RBFOX1: variants seen among roughly 807,000 people sequenced by gnomAD.
RBFOX1 encodes the protein RNA binding fox-1 homolog 1.
A neutral mutation model predicts 57.7 loss-of-function variants in RBFOX1; 8 were observed. The observed-to-expected ratio is 0.14, with a 90% CI of 0.08 to 0.25. The LOEUF (loss-of-function observed/expected upper bound fraction) is 0.25, where lower values mean the gene tolerates loss of function less well. Among genes scored for constraint, RBFOX1 ranks in the 10% least tolerant of loss-of-function variants. RBFOX1 has a pLI of 1.00. For missense variants in RBFOX1, 611 were observed against 548.5 expected (o/e 1.11, Z -1.14); for synonymous variants, 326 against 222.4 (o/e 1.47, Z -4.15).
chr16:6,897,289 G>C (rs1417681673), intron 3 of RBFOX1, among the ~76,000 whole-genome samples: 1 of 152,196 alleles, frequency 6.6e-6, no homozygotes, highest in Non-Finnish European at 1.5e-5. Context: ...TGTAAGCCCA[G>C]CTACTCAGGA....
chr16:7,563,367 CAGAT>C (rs1352250317), intron 5 of RBFOX1, among the ~76,000 whole-genome samples: 4 of 152,134 alleles, frequency 2.6e-5, no homozygotes, highest in South Asian at 2.1e-4. Flanking sequence ...GCAGTTCACA[CAGAT>C]AGGAAGCAGT....
chr16:6,822,704 C>G (rs1437747653), intron 3 of RBFOX1, among the ~76,000 whole-genome samples: 1 of 152,156 alleles, frequency 6.6e-6, no homozygotes, highest in Non-Finnish European at 1.5e-5. Flanking sequence ...GATCCAAGCT[C>G]TGCTTTCTTC....
intron 3 of RBFOX1, among the ~76,000 whole-genome samples, chr16:5,644,025 A>G (rs1433642097): frequency 6.6e-6 from 1 of 152,192 alleles, no homozygotes; most frequent in Non-Finnish European, 1.5e-5. Context: ...CAAAACGTGC[A>G]GACTGCGTCG....
intron 1 of RBFOX1, among the ~76,000 whole-genome samples, chr16:6,313,591 G>T (rs1031356458): frequency 2.6e-5 from 4 of 152,158 alleles, no homozygotes; most frequent in African/African-American, 9.7e-5. Context: ...GCATCCATTT[G>T]GATGGAGTGC....
At chr16:6,030,129 T>C (rs1443831086) in intron 1 of RBFOX1, among the ~76,000 whole-genome samples, 1 of 152,218 alleles carries the variant, frequency 6.6e-6, no homozygotes, top group East Asian at 1.9e-4. Flanking sequence ...GATTTCACCA[T>C]GTTGCCCAGG....
chr16:5,477,359 G>A (rs2069364227), intron 2 of RBFOX1, among the ~76,000 whole-genome samples: 1 of 152,156 alleles, frequency 6.6e-6, no homozygotes, highest in Non-Finnish European at 1.5e-5. Flanking sequence ...TGCTGGGGAA[G>A]GAGGTAATGA....
intron 2 of RBFOX1, among the ~76,000 whole-genome samples, chr16:6,350,673 C>T (rs2534754): frequency 0.22 from 33,141 of 151,946 alleles, 4,004 homozygotes; most frequent in Middle Eastern, 0.33. Flanking sequence ...TCACCACCCT[C>T]TTGTGAGTAA....
chr16:6,567,764 A>C (rs1298982029), intron 2 of RBFOX1, among the ~76,000 whole-genome samples: 1 of 152,146 alleles, frequency 6.6e-6, no homozygotes, highest in Non-Finnish European at 1.5e-5. Flanking sequence ...GGTCCATACA[A>C]AGCAACAAAT....
intron 3 of RBFOX1, among the ~76,000 whole-genome samples, chr16:6,879,799 G>A (rs2062561151): frequency 6.6e-6 from 1 of 152,168 alleles, no homozygotes; most frequent in Non-Finnish European, 1.5e-5. Context: ...TGGAATGGAA[G>A]CATTTTTGAT....
chr16:7,185,417 C>A (rs1225356899), intron 4 of RBFOX1, among the ~76,000 whole-genome samples: 1 of 152,120 alleles, frequency 6.6e-6, no homozygotes, highest in Non-Finnish European at 1.5e-5. Context: ...CATGGAGGGC[C>A]ATTGGACGCC....
At chr16:6,265,174 C>T (rs8047922) in intron 1 of RBFOX1, among the ~76,000 whole-genome samples, 1 of 152,112 alleles carries the variant, frequency 6.6e-6, no homozygotes, top group Non-Finnish European at 1.5e-5. Flanking sequence ...GAACATTATG[C>T]TCTTCGCACA....
rs933631568 is a variant in RBFOX1 at position 7,575,324 on chromosome 16, G to A, written c.271-4453G>A. On this transcript the variant is annotated intron_variant, in intron 5 of 15. Transcript: ENST00000550418. ...TAATTTTTGCACTTTTAGTAGAGAC[G>A]GGGTTTCACCATGTTGGTCAGGCTG... Among the ~76,000 whole-genome samples, 41 of 152,104 alleles carry A rather than the reference G, an allele frequency of 2.7e-4. 1 individual carries two copies. The highest frequency in any genetic ancestry group is 2.3e-3 in the Admixed American group (35 of 15,272).
In RBFOX1 at chr16:7,156,688, A is replaced by G. The variant is rs1025990540; in HGVS notation, c.27+104590A>G. Among the ~76,000 whole-genome samples the G allele has an allele frequency of 6.6e-5, 10 of 152,256 alleles. No individual in the cohort carries two copies. In the South Asian group the frequency reaches 1.0e-3, roughly 16 times the overall value. On this transcript the variant is annotated intron_variant, in intron 4 of 15. Coordinates refer to ENST00000550418, the MANE Select transcript of RBFOX1 (RefSeq NM_018723.4). ...TTAATAGTTTTAGTAGTTCTATAGT[A>G]TTCCCTTCTATGAGTGAGACATTTA...
At chr16:7,586,726 A>G (rs1331141378) in intron 6 of RBFOX1, among the ~76,000 whole-genome samples, 1 of 152,238 alleles carries the variant, frequency 6.6e-6, no homozygotes, top group Non-Finnish European at 1.5e-5. Context: ...TGCTGATACC[A>G]TCATGATGAT....
intron 3 of RBFOX1, among the ~76,000 whole-genome samples, chr16:5,806,400 C>T (rs2055227680): frequency 6.6e-6 from 1 of 152,212 alleles, no homozygotes; most frequent in Non-Finnish European, 1.5e-5. Flanking sequence ...TATGTACTCA[C>T]ATGATGGAAA....
intron 3 of RBFOX1, among the ~76,000 whole-genome samples, chr16:5,736,382 C>T (rs1312167513): frequency 2.0e-5 from 3 of 152,120 alleles, no homozygotes; most frequent in African/African-American, 7.2e-5. Context: ...AAAGTGCACC[C>T]GAGTAGCACT....
intron 1 of RBFOX1, among the ~76,000 whole-genome samples, chr16:6,086,724 T>C (rs2096090885): frequency 6.6e-6 from 1 of 152,190 alleles, no homozygotes; most frequent in African/African-American, 2.4e-5. Flanking sequence ...GATGGAAACA[T>C]GTGGCTAAGC....
At chr16:7,131,299 C>A (rs763236090) in intron 4 of RBFOX1, among the ~76,000 whole-genome samples, 1 of 146,172 alleles carries the variant, frequency 6.8e-6, no homozygotes, top group Non-Finnish European at 1.5e-5. Flanking sequence ...TGAGCCAAGA[C>A]CACACCATTG....
At chr16:6,563,900 G>A (rs115588055) in intron 2 of RBFOX1, among the ~76,000 whole-genome samples, 110 of 151,700 alleles carry the variant, frequency 7.3e-4, no homozygotes, top group Middle Eastern at 3.4e-3. Context: ...GTATATGTGC[G>A]TATATGTGTG....
Sources: allele counts gnomAD v4.1 joint callset (sites outside exome capture counted in the v4.1 genomes callset), GRCh38; gene constraint gnomAD v4.1.1; transcripts MANE v1.5; gene names NCBI Gene and HGNC (gene_info 2026-07-23, HGNC 2026-07-21).